Variants in NOX4 observed in about 807,000 individuals in gnomAD.
NOX4 encodes the protein kidney oxidase-1.
NOX4 carries 69 observed loss-of-function variants against 87.6 expected under a neutral mutation model. The observed-to-expected ratio is 0.79, with a 90% confidence interval of 0.65 to 0.96. The LOEUF (loss-of-function observed/expected upper bound fraction) is 0.96. NOX4 is among the 40% of genes least tolerant of loss of function. NOX4 has a pLI of 0.00. For missense variants in NOX4, 680 were observed against 681.5 expected (o/e 1.00, Z 0.02); for synonymous variants, 275 against 238.2 (o/e 1.15, Z -1.42).
chr11:89,469,920 G>T (rs1945855594), intron 2 of NOX4, among the ~76,000 whole-genome samples: 1 of 151,706 alleles, frequency 6.6e-6, no homozygotes, highest in African/African-American at 2.4e-5. Context: ...TATTCCTTAG[G>T]TCTCGGGTGG....
intron 12 of NOX4, among the ~76,000 whole-genome samples, chr11:89,370,567 T>C (rs1939364313): frequency 6.6e-6 from 1 of 152,056 alleles, no homozygotes; most frequent in South Asian, 2.1e-4. Context: ...GACCATATGT[T>C]TGAAACTGGA....
At chr11:89,503,641 C>A in the NOX4 span, among the ~76,000 whole-genome samples, 6 of 151,416 alleles carry the variant, frequency 4.0e-5, no homozygotes, top group South Asian at 2.1e-4. Context: ...TTCCACTGAA[C>A]CCTGGCTCTG....
intron 11 of NOX4, among the ~76,000 whole-genome samples, chr11:89,387,492 G>T (rs1435804786): frequency 1.3e-5 from 2 of 152,056 alleles, no homozygotes; most frequent in Non-Finnish European, 2.9e-5. Context: ...CTGTACCCAG[G>T]TGATTAAAAA....
At chr11:89,520,051 C>T in the NOX4 span, among the ~76,000 whole-genome samples, 1 of 151,936 alleles carries the variant, frequency 6.6e-6, no homozygotes, top group Non-Finnish European at 1.5e-5. Flanking sequence ...GGCTGCTTGA[C>T]TAGGAATGAG....
At position 89,490,459 on chromosome 11, in the gene NOX4, C is replaced by G; in HGVS notation, c.152G>C (p.Gly51Ala). 1 of 1,601,990 alleles carries G rather than the reference C, an allele frequency of 6.2e-7. No homozygotes were observed. Among genetic ancestry groups the G allele is most frequent in the Non-Finnish European group, 8.6e-7 (1 of 1,168,920 alleles). Residue 51 changes from glycine (G) to alanine (A), a missense_variant and splice_region_variant, in exon 2 of 18, where the codon GGG (glycine) becomes GCG (alanine). Transcript: ENST00000263317. ...ATTATCCAAGTTCACCTTACTTACC[C>G]CCAACATCTGGTGGAGGTAGTGATA... is the stretch of plus-strand genomic sequence containing the variant. The part of the protein sequence containing the change: ...PEYHYLHQML[G>A]LGLCLSRASA...
At chr11:89,448,253 G>C (rs1162005513) in intron 4 of NOX4, among the ~76,000 whole-genome samples, 1 of 152,140 alleles carries the variant, frequency 6.6e-6, no homozygotes, top group Admixed American at 6.6e-5. Context: ...TTGAGGATCA[G>C]AGAGGTAACA....
chr11:89,364,668 T>A (rs1938802060), intron 12 of NOX4, among the ~76,000 whole-genome samples: 1 of 152,084 alleles, frequency 6.6e-6, no homozygotes, highest in Non-Finnish European at 1.5e-5. Context: ...ATAAAAATCC[T>A]CTACTTGACA....
intron 12 of NOX4, among the ~76,000 whole-genome samples, chr11:89,356,045 C>G (rs1178584795): frequency 6.6e-6 from 1 of 152,006 alleles, no homozygotes; most frequent in Non-Finnish European, 1.5e-5. Flanking sequence ...GAAATAAAAT[C>G]TCCGCAGATT....
Position 89,444,197 on chromosome 11 carries a change from T to G in NOX4, c.385A>C (p.Asn129His), listed in dbSNP as rs758728172. The G allele has an allele frequency of 6.2e-7, 1 of 1,613,620 alleles. No individual in the cohort carries two copies. The highest frequency in any genetic ancestry group is 1.1e-5 in the South Asian group (1 of 91,068). The part of the protein sequence containing the change: ...HVAAHLVNAL[N>H]FSVNYSEDFV... ...TCTTCACTGTAATTCACTGAGAAGT[T>G]GAGGGCATTCACCAGATGGGCAGCC... Residue 129 changes from asparagine to histidine, a missense_variant, in exon 5 of 18, where the codon AAC (asparagine) becomes CAC (histidine). Asn to His is a moderately conservative substitution (Grantham distance 68). Coordinates refer to ENST00000263317, the MANE Select transcript of NOX4 (RefSeq NM_016931.5).
At chr11:89,496,687 TAC>T (rs1276765144), upstream of NOX4, among the ~76,000 whole-genome samples, 28 of 152,102 alleles carry the variant, frequency 1.8e-4, 1 homozygote, top group African/African-American at 6.0e-4. Flanking sequence ...GTCACAGAAA[TAC>T]ATTCACTTCT....
upstream of NOX4, among the ~76,000 whole-genome samples, chr11:89,493,721 T>TTTATTATTA (rs200679523): frequency 6.5e-4 from 92 of 142,288 alleles, 1 homozygote; most frequent in South Asian, 1.1e-3. Context: ...GCCAGATTGT[T>TTTATTATTA]TTATTATTAT....
chr11:89,366,110 C>T (rs1336815992), intron 12 of NOX4, among the ~76,000 whole-genome samples: 2 of 152,100 alleles, frequency 1.3e-5, no homozygotes, highest in Non-Finnish European at 2.9e-5. Context: ...GGCAAACTGA[C>T]ATATGCCTTC....
the NOX4 span, among the ~76,000 whole-genome samples, chr11:89,565,663 A>C: frequency 6.6e-6 from 1 of 152,264 alleles, no homozygotes; most frequent in East Asian, 1.9e-4. Flanking sequence ...CCAGCATGGC[A>C]CATGTATACA....
intron 4 of NOX4, among the ~76,000 whole-genome samples, chr11:89,446,842 G>C (rs1303720733): frequency 6.6e-6 from 1 of 152,136 alleles, no homozygotes; most frequent in African/African-American, 2.4e-5. Context: ...ATAGCATCAA[G>C]TGTGAACCCT....
At chr11:89,526,880 T>A in the NOX4 span, among the ~76,000 whole-genome samples, 4 of 152,004 alleles carry the variant, frequency 2.6e-5, no homozygotes, top group African/African-American at 4.8e-5. Flanking sequence ...TGCCCAAAAA[T>A]GTGGAAGTGA....
chr11:89,529,656 G>A, the NOX4 span, among the ~76,000 whole-genome samples: 7 of 152,180 alleles, frequency 4.6e-5, no homozygotes, highest in Non-Finnish European at 7.4e-5. Flanking sequence ...AACAGAAGAC[G>A]AAATATCAAC....
chr11:89,463,779 G>A (rs1286479247), intron 2 of NOX4, among the ~76,000 whole-genome samples: 1 of 151,692 alleles, frequency 6.6e-6, no homozygotes, highest in African/African-American at 2.4e-5. Flanking sequence ...ACCAGTAAGT[G>A]GACAAATAGA....
intron 12 of NOX4, among the ~76,000 whole-genome samples, chr11:89,360,240 G>A (rs1477511931): frequency 6.6e-6 from 1 of 152,016 alleles, no homozygotes; most frequent in Non-Finnish European, 1.5e-5. Flanking sequence ...CATGAGAAAG[G>A]AGATACCAAA....
intron 7 of NOX4, among the ~76,000 whole-genome samples, chr11:89,430,049 C>T (rs1943694913): frequency 6.6e-6 from 1 of 152,088 alleles, no homozygotes; most frequent in South Asian, 2.1e-4. Context: ...GCTGGTTCAA[C>T]ACATGCAATC....
Sources: gnomAD v4.1 joint callset for allele counts (sites outside exome capture counted in the v4.1 genomes callset) on GRCh38, gnomAD v4.1.1 for gene constraint, MANE v1.5 for transcripts, NCBI Gene and HGNC (gene_info 2026-07-23, HGNC 2026-07-21) for gene names.